UNC5C: variants seen among roughly 807,000 people sequenced by gnomAD.
UNC5C encodes the protein netrin receptor UNC5C.
Under a neutral mutation model 99.8 loss-of-function variants are expected in UNC5C, and 47 were observed. The observed-to-expected ratio is 0.47, with a 90% CI of 0.37 to 0.60. UNC5C has a LOEUF of 0.60. Ranked by LOEUF, UNC5C falls within the 20% of genes least tolerant of loss-of-function variation. UNC5C has a pLI of 0.00. For missense variants in UNC5C, 1,062 were observed against 1,165.9 expected, an observed-to-expected ratio of 0.91 and a Z score of 1.30; for synonymous variants, 487 against 452.2, an observed-to-expected ratio of 1.08 and a Z score of -0.98.
chr4:95,198,146 G>C (rs1043423160), intron 12 of UNC5C, among the ~76,000 whole-genome samples: 6 of 151,926 alleles, frequency 3.9e-5, no homozygotes, highest in Non-Finnish European at 7.4e-5. Context: ...ACACCACCAC[G>C]CCCAGCTAAT....
intron 4 of UNC5C, among the ~76,000 whole-genome samples, chr4:95,276,859 A>G (rs945357541): frequency 6.6e-6 from 1 of 151,832 alleles, no homozygotes; most frequent in African/African-American, 2.4e-5. Flanking sequence ...TTTCAAAGTA[A>G]AAAAAAAGGA....
intron 13 of UNC5C, 60 bp downstream of exon 13, chr4:95,184,987 A>G (rs925403122): frequency 3.4e-6 from 5 of 1,466,118 alleles, no homozygotes; most frequent in Non-Finnish European, 4.5e-6. Context: ...ATGTCTATAT[A>G]ATTTTAGACC....
chr4:95,473,670 G>C (rs1748045123), intron 1 of UNC5C, among the ~76,000 whole-genome samples: 1 of 152,122 alleles, frequency 6.6e-6, no homozygotes, highest in African/African-American at 2.4e-5. Context: ...TTTTATTAGA[G>C]ATGGTCACAC....
rs3069166 is a variant in UNC5C, at chr4:95,421,619, TAC to T, written c.125-85990_125-85989del. Among the ~76,000 whole-genome samples, 4,326 of 149,550 alleles carry T rather than the reference TAC, an allele frequency of 0.029. 318 individuals are homozygous for T. In the East Asian group the frequency reaches 0.32, roughly 11 times the overall value. On this transcript the variant is annotated intron_variant, in intron 1 of 15. Transcript: ENST00000453304. ...CATACTCCTACTATACACTCTCTTT[TAC>T]ACACACACACACACACACACACTGC...
intron 12 of UNC5C, among the ~76,000 whole-genome samples, chr4:95,199,722 T>TCAAA (rs1338761259): frequency 6.6e-6 from 1 of 152,150 alleles, no homozygotes; most frequent in Non-Finnish European, 1.5e-5. Context: ...AATATGTAAA[T>TCAAA]CAAACACTTC....
intron 3 of UNC5C, among the ~76,000 whole-genome samples, chr4:95,280,621 G>A (rs148413423): frequency 0.021 from 3,267 of 152,082 alleles, 94 homozygotes; most frequent in African/African-American, 0.07. Flanking sequence ...CCCAGGAGGC[G>A]GAGGTTGCAG....
chr4:95,334,816 C>T (rs986756822), intron 2 of UNC5C, among the ~76,000 whole-genome samples: 1 of 151,900 alleles, frequency 6.6e-6, no homozygotes, highest in Non-Finnish European at 1.5e-5. Context: ...GAAAGGGCTA[C>T]AATTACCATT....
At chr4:95,426,064 T>C (rs1450522380) in intron 1 of UNC5C, among the ~76,000 whole-genome samples, 3 of 152,240 alleles carry the variant, frequency 2.0e-5, no homozygotes, top group African/African-American at 4.8e-5. Context: ...TTTGCAGATA[T>C]TGCATTTCTT....
At chr4:95,222,234 T>C in intron 7 of UNC5C, 1 of 1,500,146 alleles carries the variant, frequency 6.7e-7, no homozygotes, top group Non-Finnish European at 8.8e-7. Context: ...TCATTCTGGG[T>C]TCTCTGTTCA....
At chr4:95,491,852 A>G (rs1308830426) in intron 1 of UNC5C, among the ~76,000 whole-genome samples, 1 of 151,596 alleles carries the variant, frequency 6.6e-6, no homozygotes, top group Non-Finnish European at 1.5e-5. Context: ...CCATTTAAAT[A>G]TCAATATGTG....
At chr4:95,292,924 C>T (rs1156448196) in intron 3 of UNC5C, among the ~76,000 whole-genome samples, 1 of 152,146 alleles carries the variant, frequency 6.6e-6, no homozygotes, top group Non-Finnish European at 1.5e-5. Flanking sequence ...CCTTGTGAAG[C>T]TTACATTCTG....
chr4:95,223,676 G>A (rs1738561281), intron 7 of UNC5C, among the ~76,000 whole-genome samples: 1 of 152,062 alleles, frequency 6.6e-6, no homozygotes, highest in Non-Finnish European at 1.5e-5. Context: ...AGTTGTCTGA[G>A]TCCATGTATT....
intron 1 of UNC5C, among the ~76,000 whole-genome samples, chr4:95,479,619 G>A (rs7698652): frequency 0.041 from 6,235 of 151,834 alleles, 407 homozygotes; most frequent in African/African-American, 0.14. Flanking sequence ...ACCATCTTTC[G>A]CAGAAAGAAA....
At chr4:95,266,085 CA>C (rs988012716) in intron 4 of UNC5C, among the ~76,000 whole-genome samples, 35 of 152,078 alleles carry the variant, frequency 2.3e-4, no homozygotes, top group African/African-American at 8.5e-4. Context: ...TTCATAATAC[CA>C]AATTAATAAT....
intron 4 of UNC5C, among the ~76,000 whole-genome samples, chr4:95,251,646 C>T (rs1262549536): frequency 6.6e-6 from 1 of 152,162 alleles, no homozygotes; most frequent in Non-Finnish European, 1.5e-5. Flanking sequence ...CACACTTAAA[C>T]TCTCCTTTTG....
chr4:95,215,930 G>A (rs1738232031), intron 10 of UNC5C, 194 bp downstream of exon 10: 1 of 454,428 alleles, frequency 2.2e-6, no homozygotes, highest in East Asian at 3.9e-5. Context: ...CCATATTCAA[G>A]ATCTGCAAAA....
chr4:95,540,157 T>C (rs372153714), intron 1 of UNC5C, among the ~76,000 whole-genome samples: 1 of 152,172 alleles, frequency 6.6e-6, no homozygotes, highest in African/African-American at 2.4e-5. Context: ...GCCCAAATAG[T>C]TCCAATAAAA....
At chr4:95,264,629 T>C (rs1579280008) in intron 4 of UNC5C, among the ~76,000 whole-genome samples, 1 of 152,252 alleles carries the variant, frequency 6.6e-6, no homozygotes, top group Middle Eastern at 3.4e-3. Flanking sequence ...CTCTTTCCCT[T>C]AGTGGCTAAA....
chr4:95,242,675 C>A (rs1739370356), intron 6 of UNC5C, 82 bp from the exon 7 acceptor site: 3 of 1,389,644 alleles, frequency 2.2e-6, no homozygotes, highest in Middle Eastern at 2.5e-4. Context: ...TATAATACAA[C>A]AAAACAAAAC....
Sources: gnomAD v4.1 joint callset for allele counts (sites outside exome capture counted in the v4.1 genomes callset) on GRCh38, gnomAD v4.1.1 for gene constraint, MANE v1.5 for transcripts, NCBI Gene and HGNC (gene_info 2026-07-23, HGNC 2026-07-21) for gene names.